The following CFAP46 variants were observed in gnomAD, a reference collection of about 807,000 sequenced individuals.
CFAP46 encodes the protein cilia and flagella associated protein 46, also known as cilia- and flagella-associated protein 46.
In CFAP46, 245 loss-of-function variants were observed where a neutral mutation model predicts 325.7. That is an observed-to-expected ratio of 0.75 (90% CI 0.68 to 0.84). The LOEUF is 0.84. Among genes scored for constraint, CFAP46 ranks in the 40% least tolerant of loss-of-function variants. The pLI is 0.00. For synonymous variants in CFAP46, 1,523 were observed against 1,495.9 expected (o/e 1.02, Z -0.42); for missense variants, 3,346 against 3,543.0 (o/e 0.94, Z 1.41).
In CFAP46 at chr10:132,934,765, T is replaced by C. The variant is rs1849965753; in HGVS notation, c.853A>G (p.Ile285Val). The change falls in exon 8 of 58, where the codon ATC becomes GTC. Residue 285 changes from isoleucine to valine, a missense_variant. Coordinates refer to ENST00000368586, the MANE Select transcript of CFAP46 (RefSeq NM_001200049.3). The stretch of plus-strand genomic sequence containing the variant: ...ACAAACACTTACTTTTCTTCACTGA[T>C]AGAGGGAAAGCGCTGGTGGTTGTAA... ...GHYNHQRFPS[I>V]SEEKMLLLFE... 1 of 1,602,154 alleles carries C rather than the reference T, an allele frequency of 6.2e-7. No homozygotes were observed. The highest frequency in any genetic ancestry group is 8.5e-7 in the Non-Finnish European group (1 of 1,169,966).
intron 46 of CFAP46, 87 bp from the exon 47 acceptor site, chr10:132,835,521 TGCTGTCC>T: frequency 6.5e-7 from 1 of 1,529,200 alleles, no homozygotes; most frequent in East Asian, 2.3e-5. Flanking sequence ...GGAAAAGGGC[TGCTGTCC>T]CACAGGAAAG....
intron 44 of CFAP46, among the ~76,000 whole-genome samples, chr10:132,837,549 GCACA>G (rs1249531489): frequency 4.3e-5 from 5 of 116,284 alleles, no homozygotes; most frequent in African/African-American, 1.3e-4. Context: ...ACACAGATGC[GCACA>G]CACAGACATG....
chr10:132,835,281 G>A (rs1396773448), intron 47 of CFAP46, 23 bp downstream of exon 47: 1 of 1,610,286 alleles, frequency 6.2e-7, no homozygotes, highest in South Asian at 1.1e-5. Context: ...CGGCTGGGTG[G>A]CTTGGAGCCT....
intron 8 of CFAP46, among the ~76,000 whole-genome samples, chr10:132,933,600 CCTGTGCCCCTGCGGCCCAGG>C (rs1407500723): frequency 6.6e-6 from 1 of 152,262 alleles, no homozygotes; most frequent in African/African-American, 2.4e-5. Context: ...GCAGGCTGGC[CCTGTGCCCCTGCGGCCCAGG>C]CTGTGGCCCA....
chr10:132,886,202 T>G lies in CFAP46; in HGVS notation c.3305-243A>C, dbSNP rs1849128725. Among the ~76,000 whole-genome samples the G allele has an allele frequency of 6.6e-6, 1 of 152,182 alleles. No homozygotes were observed. Among genetic ancestry groups the G allele is most frequent in the African/African-American group, 2.4e-5 (1 of 41,436 alleles). On this transcript the variant is annotated intron_variant, in intron 25 of 57. Transcript: ENST00000368586. The surrounding 1 kb of genome is among the most constrained non-coding windows in gnomAD (Gnocchi z 5.8). ...TGCAGGAAGCAGCTGTCTTGTCTCC[T>G]TGCTGCCTGTCACTCTCCATCTCCT... is the stretch of plus-strand genomic sequence containing the variant.
At position 132,886,070 on chromosome 10, in the gene CFAP46, G is replaced by A. The variant is rs747696722; in HGVS notation, c.3305-111C>T. The stretch of plus-strand genomic sequence containing the variant: ...CACAGTGCCCCTGAGGTGGAACCGC[G>A]GCTACAGAGGTGCCCAGGCCAGCGC... On this transcript the variant is annotated intron_variant, in intron 25 of 57. Coordinates refer to ENST00000368586, the MANE Select transcript of CFAP46 (RefSeq NM_001200049.3). This position sits in a 1 kb window ranked among gnomAD's most constrained non-coding sequence, Gnocchi z 5.8. 4.2e-5 allele frequency: 58 copies of A among 1,371,226 alleles called. No homozygotes were observed. The highest frequency in any genetic ancestry group is 6.4e-5 in the Admixed American group (3 of 46,804). The allele number at this position is 1,371,226 out of a possible 1,614,324, so 84.9% of individuals were successfully genotyped here.
chr10:132,901,218 G>T (rs1849388202), intron 22 of CFAP46, among the ~76,000 whole-genome samples: 2 of 152,142 alleles, frequency 1.3e-5, no homozygotes, highest in South Asian at 4.1e-4. Context: ...ATTGGGTCTT[G>T]CTCCTATGTT....
intron 9 of CFAP46, among the ~76,000 whole-genome samples, chr10:132,928,644 C>T (rs1374752618): frequency 6.6e-6 from 1 of 152,192 alleles, no homozygotes; most frequent in African/African-American, 2.4e-5. Context: ...GGGCAAAGCA[C>T]ACAGCAAGTG....
At chr10:132,822,760 C>G (rs1591034914) in intron 50 of CFAP46, among the ~76,000 whole-genome samples, 3 of 115,840 alleles carry the variant, frequency 2.6e-5, no homozygotes, top group African/African-American at 3.5e-5. Context: ...TGTGTGAGTG[C>G]TGATGTGTGC....
rs1196504287 is a variant in CFAP46, at chr10:132,884,837, G to GC, written c.3627+265dup. 6.6e-6 allele frequency among the ~76,000 whole-genome samples: 1 copy of GC among 152,050 alleles called. No homozygotes were observed. The highest frequency in any genetic ancestry group is 2.4e-5 in the African/African-American group (1 of 41,410). The stretch of plus-strand genomic sequence containing the variant: ...TTCCACTTGGGGCATCACCCTCTGG[G>GC]CCCCCCTCACCCTGCTCAGGGACGA... On this transcript the variant is annotated intron_variant, in intron 27 of 57. Coordinates refer to ENST00000368586, the MANE Select transcript of CFAP46 (RefSeq NM_001200049.3). The surrounding 1 kb of genome is among the most constrained non-coding windows in gnomAD (Gnocchi z 5.4).
chr10:132,829,043 C>T (rs1348356364), intron 50 of CFAP46, among the ~76,000 whole-genome samples: 3 of 145,642 alleles, frequency 2.1e-5, no homozygotes, highest in Non-Finnish European at 4.5e-5. Context: ...GGGTCCCTTA[C>T]ATTTTTATAT....
chr10:132,835,598 A>G (rs1272152789), intron 46 of CFAP46, among the ~76,000 whole-genome samples, 164 bp from the exon 47 acceptor site: 1 of 151,956 alleles, frequency 6.6e-6, no homozygotes, highest in East Asian at 1.9e-4. Context: ...TGCTGTGGAG[A>G]CGCTGCCACA....
At chr10:132,924,913 G>A in intron 10 of CFAP46, 27 bp from the exon 11 acceptor site, 3 of 1,363,952 alleles carry the variant, frequency 2.2e-6, no homozygotes, top group Non-Finnish European at 2.9e-6. Context: ...GGGGATTCTA[G>A]GGAGGTTGCT....
intron 27 of CFAP46, among the ~76,000 whole-genome samples, chr10:132,881,378 C>G (rs530173712): frequency 1.3e-4 from 20 of 152,306 alleles, no homozygotes; most frequent in African/African-American, 4.6e-4. Flanking sequence ...TGCTGTCGCT[C>G]TGTCTGCAGG....
chr10:132,827,304 T>C lies in CFAP46; in HGVS notation c.7117+6054A>G, dbSNP rs892116960. ...GGACGGGGCACCCAGTGGGCCAGAA[T>C]CAGACGGAGAACAGCTATAAGCTGC... On this transcript the variant is annotated intron_variant, in intron 50 of 57. Coordinates refer to ENST00000368586, the MANE Select transcript of CFAP46 (RefSeq NM_001200049.3). This position sits in a 1 kb window ranked among gnomAD's most constrained non-coding sequence, Gnocchi z 5.7. Among the ~76,000 whole-genome samples the C allele has an allele frequency of 1.3e-5, 2 of 151,960 alleles. No homozygotes were observed. The highest frequency in any genetic ancestry group is 2.9e-5 in the Non-Finnish European group (2 of 67,998).
chr10:132,924,804 A>G lies in CFAP46; in HGVS notation c.1148T>C (p.Val383Ala). The change falls in exon 11 of 58, where the codon GTG (valine) becomes GCG (alanine). Residue 383 changes from valine to alanine, a missense_variant. By Grantham distance (64) the Val-to-Ala change is moderately conservative. Transcript: ENST00000368586. ...GCAGGTGTTCCACTGCGTGGCGCAC[A>G]CCACGTGGATGACCCGGGGGTCGCC... ...RLGDPRVIHVVCATQWNTCLP... is the reference protein window; with the variant it reads ...RLGDPRVIHVACATQWNTCLP... 1 of 1,494,104 alleles carries G rather than the reference A, an allele frequency of 6.7e-7. No homozygotes were observed. The highest frequency in any genetic ancestry group is 8.9e-7 in the Non-Finnish European group (1 of 1,119,576). The allele number at this position is 1,494,104 out of a possible 1,614,324, so 92.6% of individuals were successfully genotyped here. A position where few individuals can be genotyped will look rare whatever the true frequency, so the allele number is the denominator to read the frequency against.
At position 132,909,900 on chromosome 10, in the gene CFAP46, T is replaced by C; in HGVS notation, c.2649+19A>G. 1 of 1,415,314 alleles carries C rather than the reference T, an allele frequency of 7.1e-7. No homozygotes were observed. Among genetic ancestry groups the C allele is most frequent in the Non-Finnish European group, 9.2e-7 (1 of 1,087,084 alleles). 87.7% of individuals were successfully genotyped at this position (1,415,314 alleles called of 1,614,324 possible). A position where few individuals can be genotyped will look rare whatever the true frequency, so the allele number is the denominator to read the frequency against. ...CACAGGGCCTCAGTCAGAGCCCAGA[T>C]GTGGGCAGGGGCGCCCACCTGCTCC... is the stretch of plus-strand genomic sequence containing the variant. On this transcript the variant is annotated intron_variant, in intron 20 of 57. Transcript: ENST00000368586.
chr10:132,871,130 TGA>T (rs200681388), intron 32 of CFAP46, among the ~76,000 whole-genome samples: 1,883 of 152,346 alleles, frequency 0.012, 37 homozygotes, highest in African/African-American at 0.041. Flanking sequence ...GCACATCTGT[TGA>T]CAGCATGGTT....
intron 13 of CFAP46, among the ~76,000 whole-genome samples, chr10:132,921,070 T>C (rs1418280015): frequency 6.6e-6 from 1 of 152,208 alleles, no homozygotes; most frequent in African/African-American, 2.4e-5. Flanking sequence ...CAACCTTCCC[T>C]TGCAGGGCGC....
Sources: allele counts gnomAD v4.1 joint callset (sites outside exome capture counted in the v4.1 genomes callset), GRCh38; gene constraint gnomAD v4.1.1; non-coding constraint Gnocchi (gnomAD v3.1); transcripts MANE v1.5; gene names NCBI Gene and HGNC (gene_info 2026-07-23, HGNC 2026-07-21).